ZBTB21: variants seen among roughly 807,000 people sequenced by gnomAD.
ZBTB21 encodes zinc finger and BTB domain-containing protein 21.
ZBTB21 carries 10 observed loss-of-function variants against 39.8 expected under a neutral mutation model. The ratio of observed to expected loss-of-function variants is 0.25; its 90% CI spans 0.16 to 0.43. ZBTB21 has a LOEUF of 0.43. ZBTB21 is among the 20% of genes least tolerant of loss of function. The probability of loss-of-function intolerance (pLI) is 1.00; values close to 1 mark genes in which losing one functional copy is unlikely to be tolerated. For synonymous variants in ZBTB21, 551 were observed against 498.8 expected, an observed-to-expected ratio of 1.10 and a Z score of -1.40; for missense variants, 1,221 against 1,296.3, an observed-to-expected ratio of 0.94 and a Z score of 0.89.
Position 41,991,275 on chromosome 21 carries a change from C to A in ZBTB21, c.2821G>T (p.Val941Leu). 2 of 1,613,882 alleles carry A rather than the reference C, an allele frequency of 1.2e-6. No homozygotes were observed. The highest frequency in any genetic ancestry group is 1.1e-5 in the South Asian group (1 of 91,050). ...TTAGTGCGAAAAGCTTTGTTGCACA[C>A]GTGACAAATAAATGGTTTCACAGAG... ...LCSVKPFICH[V>L]CNKAFRTNFR... Residue 941 changes from valine (V) to leucine (L), a missense_variant, in exon 3 of 3, where the codon GTG becomes TTG. Val to Leu is a conservative substitution (Grantham distance 32). Transcript: ENST00000310826. The surrounding 1 kb of genome is among the most constrained non-coding windows in gnomAD (Gnocchi z 4.9).
chr21:41,998,935 T>A (rs1444142875), intron 2 of ZBTB21, among the ~76,000 whole-genome samples: 1 of 152,244 alleles, frequency 6.6e-6, no homozygotes, highest in Non-Finnish European at 1.5e-5. Flanking sequence ...TTCCTCTATT[T>A]TTTTAAAAAA....
chr21:42,006,467 A>G (rs1163488685), intron 1 of ZBTB21, among the ~76,000 whole-genome samples: 1 of 151,026 alleles, frequency 6.6e-6, no homozygotes, highest in Non-Finnish European at 1.5e-5. Flanking sequence ...TCCCTTAGTT[A>G]TTCCCTAGTG....
chr21:42,008,453 G>A (rs1219278347), intron 1 of ZBTB21, among the ~76,000 whole-genome samples: 1 of 147,220 alleles, frequency 6.8e-6, no homozygotes, highest in African/African-American at 2.5e-5. Context: ...GGGAGGCGGA[G>A]GTTGCAAAAC....
chr21:41,999,007 T>C (rs144574190), intron 2 of ZBTB21, among the ~76,000 whole-genome samples: 172 of 152,340 alleles, frequency 1.1e-3, no homozygotes, highest in Non-Finnish European at 2.0e-3. Context: ...TCATTTAAAT[T>C]TTCCTTAATC....
chr21:42,004,997 T>C (rs2065862328), intron 1 of ZBTB21, among the ~76,000 whole-genome samples: 1 of 152,226 alleles, frequency 6.6e-6, no homozygotes, highest in Non-Finnish European at 1.5e-5. Context: ...GCTTATCCAA[T>C]CCTTCAAGAG....
At position 41,994,025 on chromosome 21, in the gene ZBTB21, C is replaced by T. The variant is rs752261617; in HGVS notation, c.71G>A (p.Arg24His). Residue 24 changes from arginine to histidine, a missense_variant, in exon 3 of 3, where the codon CGT becomes CAT. Arg to His is a conservative substitution (Grantham distance 29, BLOSUM62 0). Coordinates refer to ENST00000310826, the MANE Select transcript of ZBTB21 (RefSeq NM_001098402.2). ...ISLLSALNEE[R>H]LKGQLCDVLL... is the part of the protein sequence containing the mutation. ...CACATCACACAGCTGTCCTTTGAGA[C>T]GCTCCTCATTCAGGGCACTTAGGAG... The T allele has an allele frequency of 8.1e-6, 13 of 1,614,172 alleles. No individual in the cohort carries two copies. Among genetic ancestry groups the T allele is most frequent in the African/African-American group, 1.3e-5 (1 of 75,056 alleles).
chr21:42,001,256 G>A (rs1368070984), intron 2 of ZBTB21, among the ~76,000 whole-genome samples: 3 of 152,188 alleles, frequency 2.0e-5, no homozygotes, highest in Non-Finnish European at 4.4e-5. Context: ...ATCATCTTCT[G>A]AACTAGACAG....
chr21:42,006,398 T>A (rs1007077971), intron 1 of ZBTB21, among the ~76,000 whole-genome samples: 3 of 150,370 alleles, frequency 2.0e-5, no homozygotes, highest in Admixed American at 1.3e-4. Flanking sequence ...CACCACTGGG[T>A]GACAGCTGAG....
chr21:42,010,130 GAAAA>G, intron 1 of ZBTB21, 118 bp downstream of exon 1: 1 of 388,650 alleles, frequency 2.6e-6, no homozygotes, highest in Non-Finnish European at 4.5e-6. Flanking sequence ...CGCTGGTGGA[GAAAA>G]AAGAGGAGAG....
At chr21:42,000,592 G>GCAA (rs1039358178) in intron 2 of ZBTB21, among the ~76,000 whole-genome samples, 3 of 152,134 alleles carry the variant, frequency 2.0e-5, no homozygotes. Context: ...TGCCAAAAAA[G>GCAA]CAACATTTGT....
intron 1 of ZBTB21, chr21:42,009,557 G>C (rs1176151535): frequency 2.0e-5 from 3 of 152,276 alleles, no homozygotes; most frequent in African/African-American, 7.2e-5. Flanking sequence ...GCTATGCTCT[G>C]CGGGACCGCC....
intron 2 of ZBTB21, among the ~76,000 whole-genome samples, chr21:41,999,721 A>G (rs552013929): frequency 2.8e-4 from 42 of 152,324 alleles, no homozygotes; most frequent in African/African-American, 8.9e-4. Context: ...TGAGCCATGG[A>G]GATAAATGGA....
chr21:42,001,592 C>T (rs79787666), intron 2 of ZBTB21, among the ~76,000 whole-genome samples: 1 of 152,036 alleles, frequency 6.6e-6, no homozygotes, highest in Non-Finnish European at 1.5e-5. Context: ...GGGCGTTCTA[C>T]GAAGAAAGTT....
At chr21:41,999,824 A>G (rs1475337023) in intron 2 of ZBTB21, among the ~76,000 whole-genome samples, 1 of 152,170 alleles carries the variant, frequency 6.6e-6, no homozygotes. Flanking sequence ...CTGAGAGGCA[A>G]TAAGAAGTAA....
chr21:41,999,854 A>G (rs1044648002), intron 2 of ZBTB21, among the ~76,000 whole-genome samples: 6 of 152,100 alleles, frequency 3.9e-5, no homozygotes, highest in African/African-American at 1.4e-4. Flanking sequence ...GGGCTGGGAG[A>G]CCTCCAGAAG....
chr21:42,000,235 G>T (rs2065801551), intron 2 of ZBTB21, among the ~76,000 whole-genome samples: 1 of 152,162 alleles, frequency 6.6e-6, no homozygotes, highest in South Asian at 2.1e-4. Flanking sequence ...ATTTTTTAAA[G>T]AATTCAGTTT....
chr21:41,994,538 A>G (rs1277747190), intron 2 of ZBTB21, among the ~76,000 whole-genome samples: 1 of 152,222 alleles, frequency 6.6e-6, no homozygotes, highest in Non-Finnish European at 1.5e-5. Context: ...CTTTATTACT[A>G]CATATACTTA....
rs771618331 is a variant in ZBTB21, at chr21:41,991,434, C to T, written c.2662G>A (p.Glu888Lys). 3 of 1,612,120 alleles carry T rather than the reference C, an allele frequency of 1.9e-6. No individual in the cohort carries two copies. In the Admixed American group the frequency reaches 5.0e-5, roughly 27 times the overall value. ...VKEEPVEEAE[E>K]EAPEASTAPK... ...GCTGTGCTGGCCTCGGGTGCCTCTT[C>T]TTCAGCCTCCTCCACAGGCTCCTCT... The change falls in exon 3 of 3, where the codon GAA (glutamate) becomes AAA (lysine). Residue 888 changes from glutamate (E) to lysine (K), a missense_variant. Glu to Lys is a moderately conservative substitution (Grantham distance 56, BLOSUM62 1). This residue lies in a region of ZBTB21 where 523 missense variants were observed against 542.5 expected (regional missense o/e 0.96). Coordinates refer to ENST00000310826, the MANE Select transcript of ZBTB21 (RefSeq NM_001098402.2). The surrounding 1 kb of genome is among the most constrained non-coding windows in gnomAD (Gnocchi z 4.9).
In ZBTB21 at chr21:41,992,377, C is replaced by T; in HGVS notation, c.1719G>A (p.Lys573=). 1 of 1,614,154 alleles carries T rather than the reference C, an allele frequency of 6.2e-7. No homozygotes were observed. Among genetic ancestry groups the T allele is most frequent in the Non-Finnish European group, 8.5e-7 (1 of 1,180,020 alleles). Residue 573 remains lysine, a synonymous_variant, in exon 3 of 3, where the codon AAG becomes AAA. Transcript: ENST00000310826. This position sits in a 1 kb window ranked among gnomAD's most constrained non-coding sequence, Gnocchi z 4.1. The stretch of plus-strand genomic sequence containing the variant: ...TGTGACAGATGTCACAAGCGTAGGG[C>T]TTTTCTGGGTTATGGTACATGTTAA... ...RHVNMYHNPE[K]PYACDICHKR...
Sources: gnomAD v4.1 joint callset for allele counts (sites outside exome capture counted in the v4.1 genomes callset) on GRCh38, gnomAD v4.1.1 for gene constraint, gnomAD v4.1.1 regional missense constraint, Gnocchi (gnomAD v3.1) non-coding constraint, MANE v1.5 for transcripts, NCBI Gene and HGNC (gene_info 2026-07-23, HGNC 2026-07-21) for gene names.